The following PPFIA2 variants were observed in gnomAD, a reference collection of about 807,000 sequenced individuals.
The protein encoded by PPFIA2 is liprin-alpha-2.
A neutral mutation model predicts 175.5 loss-of-function variants in PPFIA2; 46 were observed. The observed-to-expected ratio is 0.26, with a 90% CI of 0.21 to 0.34. The LOEUF is 0.34. Among genes scored for constraint, PPFIA2 ranks in the 10% least tolerant of loss-of-function variants. PPFIA2 has a pLI of 1.00. For missense variants in PPFIA2, 1,179 were observed against 1,506.1 expected (o/e 0.78, Z 3.60); for synonymous variants, 568 against 511.4 (o/e 1.11, Z -1.49).
At chr12:81,419,544 T>C (rs1230295385) in intron 7 of PPFIA2, among the ~76,000 whole-genome samples, 1 of 152,138 alleles carries the variant, frequency 6.6e-6, no homozygotes, top group Non-Finnish European at 1.5e-5. Flanking sequence ...TTTATTGTAA[T>C]AAAAATTTTA....
At chr12:81,351,897 C>T (rs1416437940) in intron 17 of PPFIA2, among the ~76,000 whole-genome samples, 1 of 151,756 alleles carries the variant, frequency 6.6e-6, no homozygotes, top group Non-Finnish European at 1.5e-5. Flanking sequence ...CAGTGTGAGA[C>T]CCTATTTAAA....
chr12:81,318,436 C>T (rs1201009423), intron 22 of PPFIA2, among the ~76,000 whole-genome samples: 1 of 151,684 alleles, frequency 6.6e-6, no homozygotes, highest in East Asian at 1.9e-4. Flanking sequence ...ATATGTTCCC[C>T]TATATAGAGG....
intron 3 of PPFIA2, among the ~76,000 whole-genome samples, chr12:81,729,947 G>A (rs1056132855): frequency 6.6e-6 from 1 of 151,546 alleles, no homozygotes; most frequent in African/African-American, 2.4e-5. Context: ...CTTGGAAAGG[G>A]ATTTGTCCCC....
chr12:81,505,163 T>C (rs188788672), intron 4 of PPFIA2, among the ~76,000 whole-genome samples: 4 of 152,030 alleles, frequency 2.6e-5, no homozygotes, highest in African/African-American at 7.2e-5. Flanking sequence ...AATGATTTAA[T>C]GTGCAACTAG....
intron 4 of PPFIA2, among the ~76,000 whole-genome samples, chr12:81,669,534 T>C: frequency 6.6e-6 from 1 of 151,936 alleles, no homozygotes; most frequent in East Asian, 1.9e-4. Context: ...TAAACAATCA[T>C]CCTATAGGAT....
intron 4 of PPFIA2, among the ~76,000 whole-genome samples, chr12:81,591,335 G>A (rs2058650712): frequency 1.3e-5 from 2 of 152,164 alleles, no homozygotes; most frequent in Admixed American, 1.3e-4. Flanking sequence ...GAGCACAAAA[G>A]TTTTGAAAAT....
intron 3 of PPFIA2, among the ~76,000 whole-genome samples, chr12:81,686,949 A>C (rs2074500648): frequency 6.6e-6 from 1 of 151,966 alleles, no homozygotes; most frequent in Admixed American, 6.6e-5. Context: ...CTTTTCTTCC[A>C]ACCAGTTCCC....
chr12:81,269,812 A>C (rs1487410417), intron 28 of PPFIA2, among the ~76,000 whole-genome samples: 5 of 152,120 alleles, frequency 3.3e-5, no homozygotes, highest in Non-Finnish European at 7.3e-5. Flanking sequence ...GATCATTGCT[A>C]TCTAGCATCC....
chr12:81,696,459 A>G (rs2075905019), intron 3 of PPFIA2, among the ~76,000 whole-genome samples: 1 of 152,144 alleles, frequency 6.6e-6, no homozygotes, highest in South Asian at 2.1e-4. Flanking sequence ...AAGGGTGAGG[A>G]AAAAGACTGA....
intron 7 of PPFIA2, among the ~76,000 whole-genome samples, chr12:81,421,482 C>T (rs187245626): frequency 2.2e-4 from 34 of 151,716 alleles, no homozygotes; most frequent in Middle Eastern, 3.4e-3. Context: ...GTTGTAACTA[C>T]AAGATATTTT....
chr12:81,472,945 A>G (rs1038038282), intron 4 of PPFIA2: 3 of 152,238 alleles, frequency 2.0e-5, no homozygotes, highest in Non-Finnish European at 2.9e-5. Context: ...AAGAAAAAAT[A>G]TATAAAATTA....
intron 4 of PPFIA2, among the ~76,000 whole-genome samples, chr12:81,623,288 C>A (rs1282561335): frequency 6.6e-6 from 1 of 151,350 alleles, no homozygotes; most frequent in African/African-American, 2.4e-5. Context: ...CAAGAGGCAT[C>A]CAAAATAGTG....
chr12:81,295,625 C>T (rs758912695), intron 23 of PPFIA2, among the ~76,000 whole-genome samples: 3 of 152,056 alleles, frequency 2.0e-5, no homozygotes, highest in Non-Finnish European at 4.4e-5. Context: ...AAATGATGTG[C>T]TAAGAAAGAA....
At chr12:81,380,276 G>C (rs2037344223) in intron 9 of PPFIA2, among the ~76,000 whole-genome samples, 1 of 152,034 alleles carries the variant, frequency 6.6e-6, no homozygotes, top group Non-Finnish European at 1.5e-5. Context: ...TGAGGTGAGA[G>C]GATTGCTTGA....
At chr12:81,530,643 C>G (rs1368021250) in intron 4 of PPFIA2, among the ~76,000 whole-genome samples, 1 of 151,680 alleles carries the variant, frequency 6.6e-6, no homozygotes, top group Non-Finnish European at 1.5e-5. Flanking sequence ...GCCACAATCT[C>G]TAGTTGAAAA....
At chr12:81,676,759 A>G (rs779758825) in intron 4 of PPFIA2, 32 bp downstream of exon 4, 10 of 1,492,368 alleles carry the variant, frequency 6.7e-6, no homozygotes, top group Admixed American at 4.0e-5. Flanking sequence ...TCAATTCATC[A>G]ATAGTTAAAT....
At chr12:81,277,024 C>T (rs2040701018) in intron 28 of PPFIA2, among the ~76,000 whole-genome samples, 1 of 152,092 alleles carries the variant, frequency 6.6e-6, no homozygotes, top group East Asian at 1.9e-4. Flanking sequence ...ACAAAAATAT[C>T]TACATGGAGA....
chr12:81,669,166 T>A (rs534292656), intron 4 of PPFIA2, among the ~76,000 whole-genome samples: 1 of 151,996 alleles, frequency 6.6e-6, no homozygotes, highest in African/African-American at 2.4e-5. Flanking sequence ...TGGGTCCTAT[T>A]TCTTTCCCTA....
At chr12:81,364,443 C>G (rs2032357218) in intron 14 of PPFIA2, among the ~76,000 whole-genome samples, 1 of 151,734 alleles carries the variant, frequency 6.6e-6, no homozygotes, top group South Asian at 2.1e-4. Context: ...GAGTGCAGTT[C>G]TGTGATCACA....
Sources: gnomAD v4.1 joint callset for allele counts (sites outside exome capture counted in the v4.1 genomes callset) on GRCh38, gnomAD v4.1.1 for gene constraint, MANE v1.5 for transcripts, NCBI Gene and HGNC (gene_info 2026-07-23, HGNC 2026-07-21) for gene names.